Variants in BTBD8 observed in about 807,000 individuals in gnomAD.
The protein encoded by BTBD8 is BTB domain containing 8.
In BTBD8, 110 loss-of-function variants were observed where a neutral mutation model predicts 162.9. That is an observed-to-expected ratio of 0.68 (90% CI 0.58 to 0.79). The LOEUF (loss-of-function observed/expected upper bound fraction) is 0.79, where lower values mean the gene tolerates loss of function less well. Among genes scored for constraint, BTBD8 ranks in the 30% least tolerant of loss-of-function variants. BTBD8 has a pLI of 0.00. For missense variants in BTBD8, 1,905 were observed against 2,085.4 expected (o/e 0.91, Z 1.68); for synonymous variants, 667 against 716.1 (o/e 0.93, Z 1.10).
At chr1:92,134,899 T>A (rs1232410995) in intron 5 of BTBD8, among the ~76,000 whole-genome samples, 3 of 150,618 alleles carry the variant, frequency 2.0e-5, no homozygotes, top group African/African-American at 7.3e-5. Flanking sequence ...TAATTAATTT[T>A]TTTTTTTTTT....
chr1:92,131,935 C>T (rs1256964548), intron 5 of BTBD8, among the ~76,000 whole-genome samples: 1 of 152,142 alleles, frequency 6.6e-6, no homozygotes, highest in African/African-American at 2.4e-5. Flanking sequence ...GTCTCAAACT[C>T]TTGATCTCAA....
At chr1:92,088,617 A>G in intron 1 of BTBD8, 81 bp from the exon 2 acceptor site, 1 of 1,146,624 alleles carries the variant, frequency 8.7e-7, no homozygotes, top group Non-Finnish European at 1.2e-6. Context: ...CTTATGTGTT[A>G]TTTTAAACCT....
At position 92,123,968 on chromosome 1, in the gene BTBD8, C is replaced by T. The variant is rs373351810; in HGVS notation, c.663-5719C>T. 1.3e-3 allele frequency among the ~76,000 whole-genome samples: 194 copies of T among 152,058 alleles called. 3 individuals are homozygous for T. The South Asian group carries it at 0.014, about 11-fold the overall frequency. On this transcript the variant is annotated intron_variant, in intron 4 of 17. Transcript: ENST00000636805. ...AATAAGGGCTTGTCTATTTCCTGTTCACTCTTCTGTTTAGAATGTGGCCGT... is the reference window on the plus strand; with the variant it reads ...AATAAGGGCTTGTCTATTTCCTGTTTACTCTTCTGTTTAGAATGTGGCCGT...
chr1:92,164,308 A>G lies in BTBD8; in HGVS notation c.1123-2650A>G, dbSNP rs555199984. ...TCAAGACCAGCCTGGATAACATGGC[A>G]AGACTCCATCCCTACAAAATTTTTT... On this transcript the variant is annotated intron_variant, in intron 9 of 17. Transcript: ENST00000636805. Among the ~76,000 whole-genome samples the G allele has an allele frequency of 1.3e-3, 200 of 152,076 alleles. 1 individual carries two copies. Among genetic ancestry groups the G allele is most frequent in the African/African-American group, 4.6e-3 (191 of 41,492 alleles).
intron 4 of BTBD8, among the ~76,000 whole-genome samples, chr1:92,119,037 C>T (rs1029314400): frequency 2.0e-5 from 3 of 151,470 alleles, no homozygotes; most frequent in East Asian, 1.9e-4. Flanking sequence ...AAGTTGCTTT[C>T]GGTGAGTCAT....
rs143113704 is a variant in BTBD8, at chr1:92,164,590, G to A, written c.1123-2368G>A. Among the ~76,000 whole-genome samples, 7 of 151,738 alleles carry A rather than the reference G, an allele frequency of 4.6e-5. No homozygotes were observed. In the East Asian group the frequency reaches 1.2e-3, roughly 26 times the overall value. On this transcript the variant is annotated intron_variant, in intron 9 of 17. Coordinates refer to ENST00000636805, the MANE Select transcript of BTBD8 (RefSeq NM_001376131.1). ...GCCGAGATTGCACCACTGCACCCCA[G>A]CCTGGGTGACAGAGCGAGACCCCGT... is the stretch of plus-strand genomic sequence containing the variant.
intron 7 of BTBD8, among the ~76,000 whole-genome samples, chr1:92,141,786 C>T (rs552732969): frequency 5.9e-5 from 9 of 152,212 alleles, no homozygotes; most frequent in East Asian, 3.9e-4. Context: ...ATACATTCTG[C>T]GACTGTAGGT....
rs539732906 is a variant in BTBD8, at chr1:92,166,374, G to A, written c.1123-584G>A. ...TAGGGAACTCAAATTTTTCTTTCTA[G>A]TTATTATCACTTTGCTATCAGGTTT... On this transcript the variant is annotated intron_variant, in intron 9 of 17. Coordinates refer to ENST00000636805, the MANE Select transcript of BTBD8 (RefSeq NM_001376131.1). Among the ~76,000 whole-genome samples the A allele has an allele frequency of 2.7e-5, 4 of 148,102 alleles. No homozygotes were observed. The East Asian group carries it at 8.0e-4, about 30-fold the overall frequency.
At chr1:92,110,011 C>T (rs754581564) in intron 4 of BTBD8, among the ~76,000 whole-genome samples, 11 of 152,006 alleles carry the variant, frequency 7.2e-5, no homozygotes, top group Non-Finnish European at 1.3e-4. Context: ...TTTAATGTGC[C>T]CAAATTGGTA....
intron 4 of BTBD8, among the ~76,000 whole-genome samples, chr1:92,121,959 C>G (rs973392898): frequency 6.6e-6 from 1 of 151,986 alleles, no homozygotes; most frequent in Non-Finnish European, 1.5e-5. Context: ...GCACACACTA[C>G]TACTCTTGGT....
At chr1:92,084,376 T>C (rs6683686) in intron 1 of BTBD8, among the ~76,000 whole-genome samples, 4,539 of 152,270 alleles carry the variant, frequency 0.03, 208 homozygotes, top group African/African-American at 0.1. Flanking sequence ...CTGCGTGTGT[T>C]GCGAGCTAGG....
intron 4 of BTBD8, chr1:92,126,037 G>A: frequency 2.1e-6 from 1 of 482,344 alleles, no homozygotes; most frequent in Non-Finnish European, 4.1e-6. Context: ...CATATGGGAA[G>A]CACACTGAGA....
At chr1:92,108,353 C>T (rs2101908114) in intron 4 of BTBD8, among the ~76,000 whole-genome samples, 1 of 152,296 alleles carries the variant, frequency 6.6e-6, no homozygotes, top group Non-Finnish European at 1.5e-5. Context: ...ATTTGAAAGC[C>T]ACTGTCATAG....
intron 12 of BTBD8, 144 bp from the exon 13 acceptor site, chr1:92,171,255 G>A: frequency 2.0e-6 from 1 of 510,152 alleles, no homozygotes; most frequent in African/African-American, 2.0e-5. Flanking sequence ...ATAGGGAGTT[G>A]TTTTGTATAC....
chr1:92,092,151 A>T (rs1041203527), intron 2 of BTBD8, among the ~76,000 whole-genome samples: 9 of 152,156 alleles, frequency 5.9e-5, no homozygotes, highest in Non-Finnish European at 1.3e-4. Context: ...CTGTAGTCCC[A>T]GCACTTTGGG....
chr1:92,155,906 T>C (rs1650150070), intron 9 of BTBD8, among the ~76,000 whole-genome samples: 1 of 152,324 alleles, frequency 6.6e-6, no homozygotes, highest in African/African-American at 2.4e-5. Flanking sequence ...CCTTTACAGT[T>C]TGGATGCCTT....
Position 92,168,819 on chromosome 1 carries a change from A to G in BTBD8, c.1444-47A>G, listed in dbSNP as rs1182750804. 7 of 1,456,662 alleles carry G rather than the reference A, an allele frequency of 4.8e-6. No homozygotes were observed. In the East Asian group the frequency reaches 1.3e-4, roughly 26 times the overall value. The allele number at this position is 1,456,662 out of a possible 1,614,324, so 90.2% of individuals were successfully genotyped here. On this transcript the variant is annotated intron_variant, in intron 11 of 17. Transcript: ENST00000636805. ...CTGAAAGGAATAATGACTGGTTGCT[A>G]TGACAATGTGGCTCTCACCAGCTGC...
chr1:92,111,252 C>CA (rs759199546), intron 4 of BTBD8, among the ~76,000 whole-genome samples: 36 of 152,146 alleles, frequency 2.4e-4, no homozygotes, highest in Non-Finnish European at 4.7e-4. Context: ...CTCAGCCTCC[C>CA]AAAGTGCTAG....
intron 4 of BTBD8, among the ~76,000 whole-genome samples, chr1:92,112,927 C>T (rs1423442758): frequency 6.6e-6 from 1 of 152,186 alleles, no homozygotes; most frequent in Non-Finnish European, 1.5e-5. Flanking sequence ...AAATTTCCTT[C>T]TCTAGAGCTT....
Sources: gnomAD v4.1 joint callset for allele counts (sites outside exome capture counted in the v4.1 genomes callset) on GRCh38, gnomAD v4.1.1 for gene constraint, MANE v1.5 for transcripts, NCBI Gene and HGNC (gene_info 2026-07-23, HGNC 2026-07-21) for gene names.